Variants in PTPRE observed in about 807,000 individuals in gnomAD.
PTPRE encodes the protein receptor-type tyrosine-protein phosphatase epsilon.
A neutral mutation model predicts 102.0 loss-of-function variants in PTPRE; 51 were observed. The observed-to-expected ratio is 0.50, with a 90% CI of 0.40 to 0.63. The LOEUF is 0.63. Ranked by LOEUF, PTPRE falls within the 30% of genes least tolerant of loss-of-function variation. The pLI, the probability that PTPRE is intolerant of heterozygous loss-of-function variation, is 0.00. For synonymous variants in PTPRE, 345 were observed against 348.2 expected (o/e 0.99, Z 0.10); for missense variants, 752 against 915.1 (o/e 0.82, Z 2.30).
In PTPRE at chr10:127,971,295, G is replaced by A. The variant is rs187934712; in HGVS notation, c.-30-10979G>A. 4.8e-4 allele frequency among the ~76,000 whole-genome samples: 73 copies of A among 152,344 alleles called. No homozygotes were observed. The East Asian group carries it at 0.013, about 27-fold the overall frequency. ...GGGCATAGGGAGCCCAGCCCAAGAC[G>A]AAGTATCAGGGAGCTGTTGGGAGCA... On this transcript the variant is annotated intron_variant, in intron 1 of 20. Transcript: ENST00000254667.
chr10:128,047,699 C>G lies in PTPRE; in HGVS notation c.210-65C>G. 3 of 1,614,100 alleles carry G rather than the reference C, an allele frequency of 1.9e-6. No homozygotes were observed. In the South Asian group the frequency reaches 3.3e-5, roughly 18 times the overall value. On this transcript the variant is annotated intron_variant, in intron 4 of 20. Transcript: ENST00000254667. ...GGCTCACCTGGTGGGTATCACTGTGCCGAGCGCTGTTGGCTCTCGGGGAAC... is the reference window on the plus strand; with the variant it reads ...GGCTCACCTGGTGGGTATCACTGTGGCGAGCGCTGTTGGCTCTCGGGGAAC...
At chr10:128,072,960 A>C (rs1850911793) in intron 16 of PTPRE, among the ~76,000 whole-genome samples, 2 of 152,186 alleles carry the variant, frequency 1.3e-5, no homozygotes, top group South Asian at 4.1e-4. Flanking sequence ...GTGTGTTCAT[A>C]TTGCCATTTG....
At chr10:128,069,460 A>G (rs1213007153) in intron 12 of PTPRE, 6 of 557,450 alleles carry the variant, frequency 1.1e-5, no homozygotes, top group Admixed American at 3.1e-5. Context: ...TTACTGCACC[A>G]GCTGTTAATG....
At chr10:127,977,500 C>T (rs1364312879) in intron 1 of PTPRE, among the ~76,000 whole-genome samples, 2 of 152,196 alleles carry the variant, frequency 1.3e-5, no homozygotes, top group Non-Finnish European at 2.9e-5. Context: ...ACATTCTGCC[C>T]ACTCGAATGC....
At chr10:128,067,220 ATG>A (rs1850260583) in intron 11 of PTPRE, among the ~76,000 whole-genome samples, 1 of 146,652 alleles carries the variant, frequency 6.8e-6, no homozygotes, top group Non-Finnish European at 1.5e-5. Flanking sequence ...ACACATTCAC[ATG>A]CACACACATG....
At position 128,026,972 on chromosome 10, in the gene PTPRE, A is replaced by G. The variant is rs542636592; in HGVS notation, c.-7-13903A>G. Among the ~76,000 whole-genome samples the G allele has an allele frequency of 1.8e-3, 274 of 152,340 alleles. 1 individual carries two copies. Among genetic ancestry groups the G allele is most frequent in the Middle Eastern group, 6.8e-3 (2 of 294 alleles). The stretch of plus-strand genomic sequence containing the variant: ...TGAGCTTTTGTTTTTCTCCATGTGT[A>G]ACAAATAATCATTTTGCCCTATGAA... On this transcript the variant is annotated intron_variant, in intron 2 of 20. Transcript: ENST00000254667.
chr10:128,020,361 G>A (rs1429750438), intron 2 of PTPRE, among the ~76,000 whole-genome samples: 3 of 152,052 alleles, frequency 2.0e-5, no homozygotes, highest in Admixed American at 6.6e-5. Context: ...ATATTATGAC[G>A]CTGAGTTCAG....
chr10:127,958,865 A>C (rs1312967115), intron 1 of PTPRE, among the ~76,000 whole-genome samples: 1 of 150,662 alleles, frequency 6.6e-6, no homozygotes, highest in Non-Finnish European at 1.5e-5. Flanking sequence ...TATTTTCTTC[A>C]ATAGATATAA....
chr10:127,994,596 A>G (rs1006350440), intron 2 of PTPRE, among the ~76,000 whole-genome samples: 3 of 152,242 alleles, frequency 2.0e-5, no homozygotes, highest in Non-Finnish European at 2.9e-5. Flanking sequence ...CAAGCTGGAT[A>G]TAAATAAATA....
At chr10:127,938,933 C>T (rs563521554) in intron 1 of PTPRE, among the ~76,000 whole-genome samples, 6 of 152,228 alleles carry the variant, frequency 3.9e-5, no homozygotes, top group Non-Finnish European at 7.3e-5. Flanking sequence ...ACCAGATCTT[C>T]GCTGAAGCAG....
intron 2 of PTPRE, among the ~76,000 whole-genome samples, chr10:128,036,772 C>G (rs1847255498): frequency 6.6e-6 from 1 of 152,182 alleles, no homozygotes; most frequent in South Asian, 2.1e-4. Flanking sequence ...CTTTCTTAAT[C>G]CATTGCTTAG....
chr10:128,000,083 T>C, intron 2 of PTPRE: 1 of 580,242 alleles, frequency 1.7e-6, no homozygotes, highest in Non-Finnish European at 2.2e-6. Context: ...TAGTATTAAA[T>C]GTTGTTACTG....
intron 2 of PTPRE, among the ~76,000 whole-genome samples, chr10:128,027,706 C>T (rs1239951390): frequency 1.3e-5 from 2 of 152,188 alleles, no homozygotes; most frequent in Non-Finnish European, 2.9e-5. Context: ...TTTCTCCGTG[C>T]ATGAATGGAT....
chr10:127,914,902 C>T (rs1295306350), intron 1 of PTPRE, among the ~76,000 whole-genome samples: 1 of 152,150 alleles, frequency 6.6e-6, no homozygotes, highest in Non-Finnish European at 1.5e-5. Context: ...GTGGCATATC[C>T]TCATGTCAGG....
chr10:128,085,061 T>C lies in PTPRE; in HGVS notation c.*2155T>C. On this transcript the variant is annotated 3_prime_UTR_variant, in exon 21 of 21. Coordinates refer to ENST00000254667, the MANE Select transcript of PTPRE (RefSeq NM_006504.6). ...AGGGGTTCTGCCTGTTCCCAAACTT[T>C]TTCCATTCCAGGAACAAAGGAGAAG... 2.2e-6 allele frequency: 1 copy of C among 455,970 alleles called. No homozygotes were observed. Among genetic ancestry groups the C allele is most frequent in the Non-Finnish European group, 4.4e-6 (1 of 226,792 alleles). 28.2% of individuals were successfully genotyped at this position (455,970 alleles called of 1,614,324 possible).
chr10:128,049,579 G>A lies in PTPRE; in HGVS notation c.333G>A (p.Lys111=). Residue 111 remains lysine, a synonymous_variant, in exon 6 of 21, where the codon AAG becomes AAA. Transcript: ENST00000254667. ...GCAGGTCACCCTCAGGGCCCAAGAA[G>A]TATTTTCCCATCCCCGTGGAGCACC... is the stretch of plus-strand genomic sequence containing the variant. The part of the protein sequence containing the change: ...LLSRSPSGPK[K]YFPIPVEHLE... The A allele has an allele frequency of 6.2e-7, 1 of 1,613,862 alleles. No homozygotes were observed. Among genetic ancestry groups the A allele is most frequent in the Non-Finnish European group, 8.5e-7 (1 of 1,179,998 alleles).
At chr10:127,977,504 C>T (rs546760640) in intron 1 of PTPRE, among the ~76,000 whole-genome samples, 7 of 152,214 alleles carry the variant, frequency 4.6e-5, no homozygotes, top group Non-Finnish European at 1.0e-4. Flanking sequence ...TCTGCCCACT[C>T]GAATGCTTGT....
intron 2 of PTPRE, among the ~76,000 whole-genome samples, chr10:128,021,102 A>C (rs1845840648): frequency 6.6e-6 from 1 of 152,052 alleles, no homozygotes; most frequent in African/African-American, 2.4e-5. Flanking sequence ...TCGCCGTGTT[A>C]GCCAGGATGG....
chr10:127,996,205 C>T lies in PTPRE; in HGVS notation c.-8+13909C>T, dbSNP rs116516150. 9.2e-3 allele frequency among the ~76,000 whole-genome samples: 1,407 copies of T among 152,286 alleles called. 28 individuals carry two copies. The highest frequency in any genetic ancestry group is 0.032 in the African/African-American group (1,348 of 41,544). On this transcript the variant is annotated intron_variant, in intron 2 of 20. Transcript: ENST00000254667. Reference sequence around the variant, plus strand: ...AAGGACATGCAATGTCAGAAGCTTCCGTTGCTTGGCAACACGTAACTTTAC... The same window carrying T: ...AAGGACATGCAATGTCAGAAGCTTCTGTTGCTTGGCAACACGTAACTTTAC...
Sources: allele counts gnomAD v4.1 joint callset (sites outside exome capture counted in the v4.1 genomes callset), GRCh38; gene constraint gnomAD v4.1.1; transcripts MANE v1.5; gene names NCBI Gene and HGNC (gene_info 2026-07-23, HGNC 2026-07-21).